ZSWIM4: variants seen among roughly 807,000 people sequenced by gnomAD.
The protein encoded by ZSWIM4 is zinc finger SWIM-type containing 4.
A neutral mutation model predicts 102.5 loss-of-function variants in ZSWIM4; 62 were observed. The ratio of observed to expected loss-of-function variants is 0.60; its 90% CI spans 0.49 to 0.75. The LOEUF is 0.75. Among genes scored for constraint, ZSWIM4 ranks in the 30% least tolerant of loss-of-function variants. ZSWIM4 has a pLI of 0.00. For missense variants in ZSWIM4, 1,280 were observed against 1,529.6 expected, an observed-to-expected ratio of 0.84 and a Z score of 2.72; for synonymous variants, 652 against 674.5, an observed-to-expected ratio of 0.97 and a Z score of 0.52.
chr19:13,800,226 A>G (rs1271192477), intron 2 of ZSWIM4, among the ~76,000 whole-genome samples: 11 of 97,668 alleles, frequency 1.1e-4, no homozygotes, highest in African/African-American at 2.0e-4. Context: ...CACCGCGCCC[A>G]GCTAATTTTT....
At chr19:13,804,548 G>A (rs1974861111) in intron 2 of ZSWIM4, among the ~76,000 whole-genome samples, 1 of 152,076 alleles carries the variant, frequency 6.6e-6, no homozygotes, top group Admixed American at 6.6e-5. Context: ...TTGGGAGGCT[G>A]AAGCAGGAGA....
At chr19:13,817,191 T>TG in intron 7 of ZSWIM4, 25 bp from the exon 8 acceptor site, 1 of 1,599,278 alleles carries the variant, frequency 6.3e-7, no homozygotes, top group Non-Finnish European at 8.5e-7. Context: ...TGTGTGGGCA[T>TG]TGAGCCCCCT....
chr19:13,806,591 G>T (rs1974925469), intron 3 of ZSWIM4, among the ~76,000 whole-genome samples: 1 of 151,900 alleles, frequency 6.6e-6, no homozygotes, highest in Admixed American at 6.6e-5. Flanking sequence ...ATGAGCGTGG[G>T]AGGTAAAGGC....
intron 12 of ZSWIM4, among the ~76,000 whole-genome samples, chr19:13,826,824 C>T (rs745378170): frequency 5.4e-4 from 82 of 152,140 alleles, no homozygotes; most frequent in Non-Finnish European, 9.4e-4. Context: ...GGGTCATCCC[C>T]AGGGGCTGAA....
At chr19:13,820,909 CAAAAAA>C (rs34029534) in intron 10 of ZSWIM4, among the ~76,000 whole-genome samples, 1 of 102,558 alleles carries the variant, frequency 9.8e-6, no homozygotes, top group African/African-American at 3.3e-5. Flanking sequence ...ACGCAATTTC[CAAAAAA>C]AAAAAAAAAA....
chr19:13,810,747 C>T (rs1225474252), intron 5 of ZSWIM4, among the ~76,000 whole-genome samples: 5 of 146,374 alleles, frequency 3.4e-5, no homozygotes, highest in Non-Finnish European at 3.0e-5. Context: ...GTAGCTGGGA[C>T]TACAGAGGCC....
At position 13,825,783 on chromosome 19, in the gene ZSWIM4, T is replaced by C; in HGVS notation, c.2379+70T>C. 1 of 1,519,978 alleles carries C rather than the reference T, an allele frequency of 6.6e-7. No homozygotes were observed. The highest frequency in any genetic ancestry group is 8.8e-7 in the Non-Finnish European group (1 of 1,135,814). The allele number at this position is 1,519,978 out of a possible 1,614,324, so 94.2% of individuals were successfully genotyped here. On this transcript the variant is annotated intron_variant, in intron 12 of 13. Transcript: ENST00000590508. This position sits in a 1 kb window ranked among gnomAD's most constrained non-coding sequence, Gnocchi z 4.6. ...GCCAGGACTGACTGTGAGCTGCGCCTCCCGGGGCATGGGCTGAGTGTGAGC... is the reference window on the plus strand; with the variant it reads ...GCCAGGACTGACTGTGAGCTGCGCCCCCCGGGGCATGGGCTGAGTGTGAGC...
intron 2 of ZSWIM4, among the ~76,000 whole-genome samples, chr19:13,802,056 A>T: frequency 6.9e-6 from 1 of 145,530 alleles, no homozygotes; most frequent in African/African-American, 2.6e-5. Context: ...GCTTACTGCA[A>T]CCTCCACTTC....
At position 13,795,658 on chromosome 19, in the gene ZSWIM4, C is replaced by G; in HGVS notation, c.10C>G (p.Pro4Ala). The stretch of plus-strand genomic sequence containing the variant: ...GCCCCGGCCGGGCCGGATGGAACCC[C>G]CCGCGGCCAAGCGGAGCCGGGGCTG... MEP[P>A]AAKRSRGCPA... The change falls in exon 1 of 14, where the codon CCC (proline) becomes GCC (alanine). Residue 4 changes from proline (P) to alanine (A), a missense_variant. Transcript: ENST00000590508. 1 of 820,020 alleles carries G rather than the reference C, an allele frequency of 1.2e-6. No homozygotes were observed. The highest frequency in any genetic ancestry group is 4.3e-5 in the East Asian group (1 of 23,304). The allele number at this position is 820,020 out of a possible 1,614,324, so 50.8% of individuals were successfully genotyped here.
chr19:13,817,997 C>A, intron 9 of ZSWIM4, 21 bp downstream of exon 9: 4 of 1,472,418 alleles, frequency 2.7e-6, no homozygotes, highest in Non-Finnish European at 3.6e-6. Context: ...GCCCCTAGGC[C>A]TGGCTGTTGC....
At chr19:13,810,241 C>T (rs1156900125) in intron 5 of ZSWIM4, among the ~76,000 whole-genome samples, 1 of 152,102 alleles carries the variant, frequency 6.6e-6, no homozygotes, top group African/African-American at 2.4e-5. Flanking sequence ...TTGTGATCTA[C>T]CCGCCTCAGC....
At position 13,809,704 on chromosome 19, in the gene ZSWIM4, C is replaced by A. The variant is rs1457276976; in HGVS notation, c.1012+484C>A. 1.3e-5 allele frequency among the ~76,000 whole-genome samples: 2 copies of A among 152,188 alleles called. No individual in the cohort carries two copies. Among genetic ancestry groups the A allele is most frequent in the Admixed American group, 1.3e-4 (2 of 15,262 alleles). On this transcript the variant is annotated intron_variant, in intron 5 of 13. Coordinates refer to ENST00000590508, the MANE Select transcript of ZSWIM4 (RefSeq NM_001367834.3). The surrounding 1 kb of genome is among the most constrained non-coding windows in gnomAD (Gnocchi z 4.2). ...CTATCTTGCCAAGTCTGGTCTTGAA[C>A]TCCTGGACTCAAGCAGTCCTCTCAC... is the stretch of plus-strand genomic sequence containing the variant.
At position 13,805,033 on chromosome 19, in the gene ZSWIM4, G is replaced by C; in HGVS notation, c.597G>C (p.Gln199His). ...SETLSQMNRD[Q>H]LQKFVQYLIS... Reference sequence around the variant, plus strand: ...CGCTCTCCCAGATGAACCGGGACCAGCTGCAGAAGTTCGTGCAGTACCTCA... The same window carrying C: ...CGCTCTCCCAGATGAACCGGGACCACCTGCAGAAGTTCGTGCAGTACCTCA... The change falls in exon 3 of 14, where the codon CAG (glutamine) becomes CAC (histidine). Residue 199 changes from glutamine to histidine, a missense_variant. Transcript: ENST00000590508. The C allele has an allele frequency of 6.2e-7, 1 of 1,611,590 alleles. No homozygotes were observed. Among genetic ancestry groups the C allele is most frequent in the Non-Finnish European group, 8.5e-7 (1 of 1,180,022 alleles).
chr19:13,799,607 G>A (rs1974700587), intron 1 of ZSWIM4, 113 bp from the exon 2 acceptor site: 1 of 1,031,616 alleles, frequency 9.7e-7, no homozygotes, highest in Non-Finnish European at 1.5e-6. Flanking sequence ...GCCTCTCTAT[G>A]TTGCCCAGGC....
rs1975030265 is a variant in ZSWIM4 at position 13,809,985 on chromosome 19, TC to T, written c.1012+766del. The stretch of plus-strand genomic sequence containing the variant: ...ATATTTTTGTTTGTTTGTTTTCTTT[TC>T]TTTTCTTTTTTTTTTTTTGAGAAGG... On this transcript the variant is annotated intron_variant, in intron 5 of 13. Coordinates refer to ENST00000590508, the MANE Select transcript of ZSWIM4 (RefSeq NM_001367834.3). This position sits in a 1 kb window ranked among gnomAD's most constrained non-coding sequence, Gnocchi z 4.2. Among the ~76,000 whole-genome samples, 1 of 148,778 alleles carries T rather than the reference TC, an allele frequency of 6.7e-6. No homozygotes were observed. Among genetic ancestry groups the T allele is most frequent in the Non-Finnish European group, 1.5e-5 (1 of 67,536 alleles).
At chr19:13,826,759 C>T (rs530317534) in intron 12 of ZSWIM4, among the ~76,000 whole-genome samples, 2 of 152,004 alleles carry the variant, frequency 1.3e-5, no homozygotes, top group Admixed American at 6.5e-5. Flanking sequence ...AGCAAGACTC[C>T]GTCTTGGGGA....
intron 12 of ZSWIM4, among the ~76,000 whole-genome samples, chr19:13,828,098 G>A (rs761666212): frequency 2.0e-5 from 3 of 152,090 alleles, no homozygotes; most frequent in Non-Finnish European, 4.4e-5. Flanking sequence ...CTTCACCTAC[G>A]CAATTTTGTT....
chr19:13,817,698 C>A (rs765543673), intron 8 of ZSWIM4, 24 bp from the exon 9 acceptor site: 2 of 1,605,408 alleles, frequency 1.2e-6, no homozygotes. Context: ...CCGTCTCCAG[C>A]AGCCCTGGCC....
chr19:13,819,056 GGGTTTCACCGT>G, intron 9 of ZSWIM4, among the ~76,000 whole-genome samples: 1 of 151,546 alleles, frequency 6.6e-6, no homozygotes. Flanking sequence ...AGTAGAGACG[GGGTTTCACCGT>G]GTTAGCCAGG....
Sources: allele counts gnomAD v4.1 joint callset (sites outside exome capture counted in the v4.1 genomes callset), GRCh38; gene constraint gnomAD v4.1.1; non-coding constraint Gnocchi (gnomAD v3.1); transcripts MANE v1.5; gene names NCBI Gene and HGNC (gene_info 2026-07-23, HGNC 2026-07-21).